Variants in ENTHD1 observed in about 807,000 individuals in gnomAD.
ENTHD1 encodes the protein ENTH domain containing 1, also known as ENTH domain-containing protein 1.
A neutral mutation model predicts 39.1 loss-of-function variants in ENTHD1; 23 were observed. That is an observed-to-expected ratio of 0.59 (90% CI 0.42 to 0.83). The LOEUF (loss-of-function observed/expected upper bound fraction) is 0.83, where lower values mean the gene tolerates loss of function less well. Ranked by LOEUF, ENTHD1 falls within the 40% of genes least tolerant of loss-of-function variation. The pLI, the probability that ENTHD1 is intolerant of heterozygous loss-of-function variation, is 0.00. For synonymous variants in ENTHD1, 230 were observed against 258.2 expected (o/e 0.89, Z 1.05); for missense variants, 624 against 705.4 (o/e 0.88, Z 1.31).
chr22:39,880,376 C>T (rs1474734771), intron 2 of ENTHD1, among the ~76,000 whole-genome samples: 1 of 152,172 alleles, frequency 6.6e-6, no homozygotes, highest in Non-Finnish European at 1.5e-5. Context: ...AGTGAAACCA[C>T]TCTGTGTGAT....
intron 1 of ENTHD1, among the ~76,000 whole-genome samples, chr22:39,890,135 T>G (rs1190588210): frequency 6.7e-6 from 1 of 148,968 alleles, no homozygotes; most frequent in Non-Finnish European, 1.5e-5. Flanking sequence ...AATAAATAAA[T>G]AAATAAATAA....
At chr22:39,875,539 C>A in intron 2 of ENTHD1, 1 of 1,610,890 alleles carries the variant, frequency 6.2e-7, no homozygotes, top group Non-Finnish European at 8.5e-7. Context: ...ACACAGACGT[C>A]AAGGTGCCTG....
At chr22:39,857,055 G>C (rs117337160) in intron 3 of ENTHD1, among the ~76,000 whole-genome samples, 2 of 152,186 alleles carry the variant, frequency 1.3e-5, no homozygotes, top group East Asian at 3.9e-4. Context: ...TTTGAAAGTG[G>C]ATTCACTTTT....
chr22:39,786,115 GCCTGT>G (rs2146593342), intron 5 of ENTHD1, among the ~76,000 whole-genome samples: 1 of 151,922 alleles, frequency 6.6e-6, no homozygotes, highest in South Asian at 2.1e-4. Flanking sequence ...TTCTATCCAG[GCCTGT>G]CCTGCCATCT....
intron 6 of ENTHD1, among the ~76,000 whole-genome samples, chr22:39,751,467 A>G (rs1214549617): frequency 1.3e-5 from 2 of 152,244 alleles, no homozygotes; most frequent in Admixed American, 6.5e-5. Context: ...CTGGTTTTGG[A>G]AGATCCAGCA....
In ENTHD1 at chr22:39,795,515, C is replaced by A. The variant is rs73426187; in HGVS notation, c.832+25478G>T. 3.1e-3 allele frequency among the ~76,000 whole-genome samples: 473 copies of A among 151,506 alleles called. 5 individuals carry two copies. The highest frequency in any genetic ancestry group is 0.011 in the African/African-American group (453 of 41,296). ...ATCATGGCTCACTATATAGCCTTGA[C>A]CTTCTGGGCTCAAGCAATCCTCCCA... On this transcript the variant is annotated intron_variant, in intron 5 of 6. Coordinates refer to ENST00000325157, the MANE Select transcript of ENTHD1 (RefSeq NM_152512.4).
chr22:39,864,360 T>C (rs1285361773), intron 2 of ENTHD1, among the ~76,000 whole-genome samples: 1 of 152,214 alleles, frequency 6.6e-6, no homozygotes, highest in Non-Finnish European at 1.5e-5. Flanking sequence ...GCTCTATCCC[T>C]GATTCATTCA....
At chr22:39,789,258 T>C (rs1281639218) in intron 5 of ENTHD1, among the ~76,000 whole-genome samples, 2 of 152,194 alleles carry the variant, frequency 1.3e-5, no homozygotes, top group Admixed American at 6.5e-5. Context: ...TATTTTTATC[T>C]CTTCCATTTT....
chr22:39,841,653 T>C (rs540157711), intron 3 of ENTHD1, among the ~76,000 whole-genome samples: 42 of 151,380 alleles, frequency 2.8e-4, no homozygotes, highest in African/African-American at 9.7e-4. Context: ...ATGGGTTTCC[T>C]GAATACAGCA....
intron 5 of ENTHD1, among the ~76,000 whole-genome samples, chr22:39,809,275 G>A (rs1269420832): frequency 6.6e-6 from 1 of 152,228 alleles, no homozygotes; most frequent in Non-Finnish European, 1.5e-5. Context: ...GGATATCAGA[G>A]AGTGGTCTGG....
At chr22:39,781,959 T>G (rs928007311) in intron 5 of ENTHD1, among the ~76,000 whole-genome samples, 10 of 151,906 alleles carry the variant, frequency 6.6e-5, no homozygotes, top group Admixed American at 3.3e-4. Flanking sequence ...AATTGAACCA[T>G]GAAGAAACAG....
At chr22:39,774,590 T>C (rs796755016) in intron 5 of ENTHD1, among the ~76,000 whole-genome samples, 6 of 152,344 alleles carry the variant, frequency 3.9e-5, no homozygotes, top group African/African-American at 1.4e-4. Flanking sequence ...CAGTCCACTC[T>C]ACACAGCCCA....
chr22:39,765,823 C>T (rs917970453), intron 5 of ENTHD1, among the ~76,000 whole-genome samples: 4 of 151,898 alleles, frequency 2.6e-5, no homozygotes, highest in African/African-American at 9.7e-5. Flanking sequence ...TAGCTGCCTT[C>T]TCCCTCTCTC....
intron 6 of ENTHD1, among the ~76,000 whole-genome samples, chr22:39,752,119 A>G (rs1469511826): frequency 6.6e-6 from 1 of 152,078 alleles, no homozygotes; most frequent in Admixed American, 6.5e-5. Context: ...AAATAGATAT[A>G]CTTTTTGGTA....
chr22:39,780,240 C>T (rs117617455), intron 5 of ENTHD1, among the ~76,000 whole-genome samples: 2,541 of 151,970 alleles, frequency 0.017, 31 homozygotes, highest in East Asian at 0.07. Flanking sequence ...AGCTGGGTGT[C>T]ATGGCATGCG....
chr22:39,856,950 C>T (rs947930937), intron 3 of ENTHD1, among the ~76,000 whole-genome samples: 5 of 151,810 alleles, frequency 3.3e-5, no homozygotes, highest in African/African-American at 4.8e-5. Context: ...AGTCAATTTA[C>T]TTAACAGGCT....
intron 2 of ENTHD1, among the ~76,000 whole-genome samples, chr22:39,866,516 A>G (rs1037662202): frequency 1.3e-5 from 2 of 152,232 alleles, no homozygotes; most frequent in African/African-American, 4.8e-5. Flanking sequence ...AGTCTTGCAG[A>G]AGAGGTAACA....
intron 5 of ENTHD1, among the ~76,000 whole-genome samples, chr22:39,766,271 T>G (rs973263750): frequency 2.0e-5 from 3 of 152,230 alleles, no homozygotes; most frequent in African/African-American, 4.8e-5. Flanking sequence ...ATTCTAGTGG[T>G]TAATATCACC....
At chr22:39,828,349 C>A (rs1006315151) in intron 4 of ENTHD1, among the ~76,000 whole-genome samples, 1 of 152,012 alleles carries the variant, frequency 6.6e-6, no homozygotes, top group South Asian at 2.1e-4. Context: ...ATAAAAAAAA[C>A]CTTTTAAGCA....
Sources: gnomAD v4.1 joint callset for allele counts (sites outside exome capture counted in the v4.1 genomes callset) on GRCh38, gnomAD v4.1.1 for gene constraint, MANE v1.5 for transcripts, NCBI Gene and HGNC (gene_info 2026-07-23, HGNC 2026-07-21) for gene names.